ABL1: variants seen among roughly 807,000 people sequenced by gnomAD.
The protein encoded by ABL1 is tyrosine-protein kinase ABL1.
A neutral mutation model predicts 94.7 loss-of-function variants in ABL1; 11 were observed. The observed-to-expected ratio is 0.12, with a 90% CI of 0.07 to 0.19. The LOEUF is 0.19. Ranked by LOEUF, ABL1 falls within the 10% of genes least tolerant of loss-of-function variation. The pLI is 1.00. For synonymous variants in ABL1, 656 were observed against 622.4 expected, an observed-to-expected ratio of 1.05 and a Z score of -0.80; for missense variants, 1,082 against 1,489.4, an observed-to-expected ratio of 0.73 and a Z score of 4.50.
intron 1 of ABL1, among the ~76,000 whole-genome samples, chr9:130,724,045 C>T (rs1288062930): frequency 1.3e-5 from 2 of 152,056 alleles, no homozygotes; most frequent in Admixed American, 6.6e-5. Flanking sequence ...CTCCTGACCT[C>T]GTTATCCACC....
chr9:130,790,192 G>A (rs2132805225), intron 1 of ABL1, among the ~76,000 whole-genome samples: 1 of 152,356 alleles, frequency 6.6e-6, no homozygotes, highest in South Asian at 2.1e-4. Flanking sequence ...TGATACTCTA[G>A]AAGATGAGGT....
intron 1 of ABL1, among the ~76,000 whole-genome samples, chr9:130,850,049 A>G (rs1020471171): frequency 2.0e-5 from 3 of 152,168 alleles, no homozygotes; most frequent in Non-Finnish European, 2.9e-5. Context: ...ACATGCCTCC[A>G]TAGTCCCTGT....
intron 1 of ABL1, among the ~76,000 whole-genome samples, chr9:130,736,522 C>T (rs1415396474): frequency 6.6e-6 from 1 of 152,006 alleles, no homozygotes; most frequent in Non-Finnish European, 1.5e-5. Flanking sequence ...CGAAGTTTCG[C>T]TCTTGTTGTC....
intron 1 of ABL1, among the ~76,000 whole-genome samples, chr9:130,756,037 G>A (rs1832037459): frequency 2.0e-5 from 3 of 152,058 alleles, no homozygotes; most frequent in South Asian, 4.2e-4. Context: ...ATAGTAGATG[G>A]CCCCTTATGT....
At chr9:130,883,783 GGAGAT>G (rs1408097383) in intron 10 of ABL1, among the ~76,000 whole-genome samples, 181 bp from the exon 11 acceptor site, 2 of 152,222 alleles carry the variant, frequency 1.3e-5, no homozygotes, top group Non-Finnish European at 2.9e-5. Context: ...ATTATGCACA[GGAGAT>G]AAGAAGGGAT....
Position 130,872,910 on chromosome 9 carries a change from T to A in ABL1, c.958T>A (p.Tyr320Asn). 6.2e-7 allele frequency: 1 copy of A among 1,614,180 alleles called. No individual in the cohort carries two copies. Among genetic ancestry groups the A allele is most frequent in the Middle Eastern group, 1.6e-4 (1 of 6,062 alleles). ...CTATATCATCACTGAGTTCATGACCTACGGGAACCTCCTGGACTACCTGAG... is the reference window on the plus strand; with the variant it reads ...CTATATCATCACTGAGTTCATGACCAACGGGAACCTCCTGGACTACCTGAG... ...PFYIITEFMT[Y>N]GNLLDYLREC... Residue 320 changes from tyrosine to asparagine, a missense_variant, in exon 6 of 11, where the codon TAC becomes AAC. This residue lies in a region of ABL1 where 92 missense variants were observed against 212.3 expected (regional missense o/e 0.43). Coordinates refer to ENST00000318560, the MANE Select transcript of ABL1 (RefSeq NM_005157.6). This position sits in a 1 kb window ranked among gnomAD's most constrained non-coding sequence, Gnocchi z 5.0.
chr9:130,784,031 A>G (rs1829793285), intron 1 of ABL1, among the ~76,000 whole-genome samples: 1 of 152,202 alleles, frequency 6.6e-6, no homozygotes, highest in East Asian at 1.9e-4. Context: ...CTTGATAAAC[A>G]GTAAGTCCCA....
intron 1 of ABL1, among the ~76,000 whole-genome samples, chr9:130,771,752 CTTTTTTTTTTTT>C (rs57339049): frequency 1.9e-5 from 2 of 106,924 alleles, no homozygotes; most frequent in Non-Finnish European, 3.8e-5. Flanking sequence ...TTCTTTCTTT[CTTTTTTTTTTTT>C]TTTTTTTGAG....
intron 1 of ABL1, among the ~76,000 whole-genome samples, chr9:130,798,908 T>C (rs1588243010): frequency 6.9e-6 from 1 of 145,606 alleles, no homozygotes; most frequent in Admixed American, 7.1e-5. Flanking sequence ...GAGGCGGAGG[T>C]TGCAGTGAGC....
At position 130,874,999 on chromosome 9, in the gene ABL1, C is replaced by T; in HGVS notation, c.1217C>T (p.Thr406Ile). 1 of 1,614,224 alleles carries T rather than the reference C, an allele frequency of 6.2e-7. No homozygotes were observed. The highest frequency in any genetic ancestry group is 8.5e-7 in the Non-Finnish European group (1 of 1,180,044). The change falls in exon 7 of 11, where the codon ACT becomes ATT. Residue 406 changes from threonine (T) to isoleucine (I), a missense_variant. Around this residue, in one of 7 missense-constraint regions of ABL1, gnomAD observed 76 missense variants for 177.1 expected, o/e 0.43. Coordinates refer to ENST00000318560, the MANE Select transcript of ABL1 (RefSeq NM_005157.6). ...HAGAKFPIKW[T>I]APESLAYNKF... ...GGAGCCAAGTTCCCCATCAAATGGACTGCACCCGAGAGCCTGGCCTACAAC... is the reference window on the plus strand; with the variant it reads ...GGAGCCAAGTTCCCCATCAAATGGATTGCACCCGAGAGCCTGGCCTACAAC...
At chr9:130,857,633 C>CTT (rs35695882) in intron 3 of ABL1, among the ~76,000 whole-genome samples, 8 of 144,928 alleles carry the variant, frequency 5.5e-5, no homozygotes, top group Non-Finnish European at 7.6e-5. Context: ...ACCTTTTTAA[C>CTT]TTTTTTTTTT....
intron 1 of ABL1, among the ~76,000 whole-genome samples, chr9:130,761,611 T>C (rs767742415): frequency 6.6e-6 from 1 of 152,248 alleles, no homozygotes; most frequent in Non-Finnish European, 1.5e-5. Context: ...ACAGGATTTC[T>C]TTTCCGCATC....
At chr9:130,858,466 A>T (rs1485500614) in intron 3 of ABL1, among the ~76,000 whole-genome samples, 2 of 150,578 alleles carry the variant, frequency 1.3e-5, no homozygotes, top group African/African-American at 4.9e-5. Flanking sequence ...TCTGGCACAG[A>T]CTCTCCCATC....
At chr9:130,735,961 A>ATATATATATTT (rs573602038) in intron 1 of ABL1, among the ~76,000 whole-genome samples, 30 of 94,842 alleles carry the variant, frequency 3.2e-4, no homozygotes, top group African/African-American at 1.3e-3. Flanking sequence ...ATATATATAT[A>ATATATATATTT]TTTTTTTTTT....
intron 1 of ABL1, among the ~76,000 whole-genome samples, chr9:130,798,116 T>C (rs1830004596): frequency 6.6e-6 from 1 of 152,258 alleles, no homozygotes; most frequent in African/African-American, 2.4e-5. Context: ...AGGTAGCATT[T>C]GCTTTTTGAA....
chr9:130,717,188 A>G (rs886866636), intron 1 of ABL1, among the ~76,000 whole-genome samples: 2 of 152,010 alleles, frequency 1.3e-5, no homozygotes, highest in African/African-American at 4.8e-5. Context: ...GATTACAGGC[A>G]TGCACCACCA....
In ABL1 at chr9:130,877,838, G is replaced by A. The variant is rs74355066; in HGVS notation, c.1271-577G>A. Among the ~76,000 whole-genome samples the A allele has an allele frequency of 2.4e-4, 29 of 120,904 alleles. No homozygotes were observed. The South Asian group carries it at 5.9e-3, about 25-fold the overall frequency. 79.3% of individuals were successfully genotyped at this position (120,904 alleles called of 152,430 possible). A position where few individuals can be genotyped will look rare whatever the true frequency, so the allele number is the denominator to read the frequency against. On this transcript the variant is annotated intron_variant, in intron 7 of 10. Coordinates refer to ENST00000318560, the MANE Select transcript of ABL1 (RefSeq NM_005157.6). ...TTTTTTTTTTTTGAGATGGAGTCTC[G>A]CTCTGTCACCCAGCCTGGAGTGCAG...
At chr9:130,807,073 C>G (rs1241980043) in intron 1 of ABL1, among the ~76,000 whole-genome samples, 2 of 152,044 alleles carry the variant, frequency 1.3e-5, no homozygotes, top group African/African-American at 4.8e-5. Flanking sequence ...TCGCTTGAAC[C>G]CGGGAGGCAG....
At chr9:130,860,767 T>C (rs1831057275) in intron 3 of ABL1, among the ~76,000 whole-genome samples, 1 of 152,204 alleles carries the variant, frequency 6.6e-6, no homozygotes, top group Non-Finnish European at 1.5e-5. Flanking sequence ...CATCATCAGC[T>C]GAGCTAACGT....
Sources: allele counts gnomAD v4.1 joint callset (sites outside exome capture counted in the v4.1 genomes callset), GRCh38; gene constraint gnomAD v4.1.1; regional missense constraint gnomAD v4.1.1; non-coding constraint Gnocchi (gnomAD v3.1); transcripts MANE v1.5; gene names NCBI Gene and HGNC (gene_info 2026-07-23, HGNC 2026-07-21).